NQO1: variants seen among roughly 807,000 people sequenced by gnomAD.
NQO1 encodes NAD(P)H dehydrogenase [quinone] 1.
NQO1 carries 30 observed loss-of-function variants against 32.1 expected under a neutral mutation model. That is an observed-to-expected ratio of 0.94 (90% confidence interval 0.70 to 1.27). NQO1 has a LOEUF of 1.27. Among genes scored for constraint, NQO1 ranks in the 50% most tolerant of loss-of-function variants. The probability of loss-of-function intolerance (pLI) is 0.00; values close to 1 mark genes in which losing one functional copy is unlikely to be tolerated. For missense variants in NQO1, 276 were observed against 331.3 expected (o/e 0.83, Z 1.30); for synonymous variants, 109 against 119.7 (o/e 0.91, Z 0.59).
At chr16:69,712,467 A>C (rs1597595725) in intron 5 of NQO1, among the ~76,000 whole-genome samples, 1 of 152,180 alleles carries the variant, frequency 6.6e-6, no homozygotes, top group East Asian at 1.9e-4. Context: ...GGCTATACAA[A>C]TCAAGAGTAG....
rs541026990 is a variant in NQO1 at position 69,718,143 on chromosome 16, C to T, written c.283G>A (p.Ala95Thr). The change falls in exon 3 of 6, where the codon GCA becomes ACA. Residue 95 changes from alanine to threonine, a missense_variant. Physicochemically the swap from Ala to Thr is moderately conservative, Grantham distance 58. Transcript: ENST00000320623. ...IVAEQKKLEAADLVIFQFPLQ... is the reference protein window; with the variant it reads ...IVAEQKKLEATDLVIFQFPLQ... ...CATACCTGGAATATCACAAGGTCTG[C>T]GGCTTCCAGCTTCTTTTGTTCAGCC... The T allele has an allele frequency of 2.2e-4, 362 of 1,614,014 alleles. 5 individuals carry two copies. In the South Asian group the frequency reaches 3.6e-3, roughly 16 times the overall value.
intron 1 of NQO1, among the ~76,000 whole-genome samples, chr16:69,721,835 A>T (rs1388141719): frequency 4.0e-5 from 6 of 149,832 alleles, no homozygotes; most frequent in Non-Finnish European, 5.9e-5. Flanking sequence ...TTCTACCAAA[A>T]AAAAAAAAAA....
chr16:69,711,376 C>A, intron 5 of NQO1, 95 bp from the exon 6 acceptor site: 1 of 1,052,476 alleles, frequency 9.5e-7, no homozygotes, highest in South Asian at 1.6e-5. Flanking sequence ...CAGTAAGACA[C>A]TCTGATAAGG....
At chr16:69,713,239 C>T (rs1018223603) in intron 4 of NQO1, 110 bp from the exon 5 acceptor site, 16 of 820,452 alleles carry the variant, frequency 2.0e-5, no homozygotes, top group African/African-American at 8.5e-5. Context: ...GTCCTATTTG[C>T]TGTTTATATT....
chr16:69,715,909 A>G (rs866382497), intron 3 of NQO1, among the ~76,000 whole-genome samples: 4 of 150,992 alleles, frequency 2.6e-5, no homozygotes, highest in Non-Finnish European at 4.4e-5. Flanking sequence ...GCTCATGCCT[A>G]TAATCCCAGT....
intron 1 of NQO1, among the ~76,000 whole-genome samples, chr16:69,723,014 G>A (rs2038213194): frequency 6.6e-6 from 1 of 152,092 alleles, no homozygotes. Flanking sequence ...TGCAAGCTCC[G>A]CCTCCCAGGT....
Position 69,718,544 on chromosome 16 carries a change from C to T in NQO1, c.8-10G>A. ...ATCAGTGCTCTTCTGCCTACAGAGA[C>T]ACACACAAAGCACACACGGAAAACC... On this transcript the variant is annotated splice_polypyrimidine_tract_variant and intron_variant, in intron 1 of 5. Transcript: ENST00000320623. 6.2e-7 allele frequency: 1 copy of T among 1,612,798 alleles called. No homozygotes were observed. The highest frequency in any genetic ancestry group is 8.5e-7 in the Non-Finnish European group (1 of 1,179,564).
intron 3 of NQO1, 193 bp downstream of exon 3, chr16:69,717,930 T>TG: frequency 1.2e-6 from 1 of 858,950 alleles, no homozygotes. Context: ...CATTTACACA[T>TG]GCAACAGTAA....
intron 1 of NQO1, among the ~76,000 whole-genome samples, chr16:69,722,762 G>A (rs1297574267): frequency 1.3e-5 from 2 of 152,212 alleles, no homozygotes; most frequent in African/African-American, 2.4e-5. Context: ...TTGGAAAAAG[G>A]AAAAGGAAGC....
At chr16:69,718,058 A>C (rs1021735001) in intron 3 of NQO1, 65 bp downstream of exon 3, 4 of 1,588,718 alleles carry the variant, frequency 2.5e-6, no homozygotes, top group Non-Finnish European at 3.4e-6. Flanking sequence ...ATAGCTAATT[A>C]GGTACATGTC....
Position 69,709,705 on chromosome 16 carries a change from C to A in NQO1, c.*1271G>T. ...GCACCACAAGAGGGCAGTGTTTTATCATATTCTCCTTGAATTATATAATAC... is the reference window on the plus strand; with the variant it reads ...GCACCACAAGAGGGCAGTGTTTTATAATATTCTCCTTGAATTATATAATAC... On this transcript the variant is annotated 3_prime_UTR_variant, in exon 6 of 6. Coordinates refer to ENST00000320623, the MANE Select transcript of NQO1 (RefSeq NM_000903.3). 1 of 398,236 alleles carries A rather than the reference C, an allele frequency of 2.5e-6. No homozygotes were observed. Among genetic ancestry groups the A allele is most frequent in the South Asian group, 1.3e-4 (1 of 7,820 alleles). The allele number at this position is 398,236 out of a possible 1,614,324, so 24.7% of individuals were successfully genotyped here. A position where few individuals can be genotyped will look rare whatever the true frequency, so the allele number is the denominator to read the frequency against.
chr16:69,711,019 C>A lies in NQO1; in HGVS notation c.782G>T (p.Gly261Val). 6.2e-7 allele frequency: 1 copy of A among 1,614,152 alleles called. No individual in the cohort carries two copies. Among genetic ancestry groups the A allele is most frequent in the Non-Finnish European group, 8.5e-7 (1 of 1,180,014 alleles). ...CTGGTTGTCAGTTGGGATGGACTTG[C>A]CCAAGTGATGGCCCACAGAAAGGCC... ...KFGLSVGHHL[G>V]KSIPTDNQIK... The change falls in exon 6 of 6, where the codon GGC (glycine) becomes GTC (valine). Residue 261 changes from glycine (G) to valine (V), a missense_variant. Transcript: ENST00000320623.
chr16:69,712,952 C>A, intron 5 of NQO1, 76 bp downstream of exon 5: 1 of 1,198,888 alleles, frequency 8.3e-7, no homozygotes. Flanking sequence ...AAGATGGTGT[C>A]ACTGCACTCC....
chr16:69,717,238 C>T (rs2038125810), intron 3 of NQO1, among the ~76,000 whole-genome samples: 1 of 152,072 alleles, frequency 6.6e-6, no homozygotes, highest in African/African-American at 2.4e-5. Flanking sequence ...TAGGAAAGAT[C>T]ACTGACGAGA....
intron 4 of NQO1, among the ~76,000 whole-genome samples, chr16:69,714,531 A>C: frequency 6.6e-6 from 1 of 151,928 alleles, no homozygotes; most frequent in East Asian, 1.9e-4. Context: ...AAACTTGATC[A>C]TGCGTCTCTC....
intron 1 of NQO1, among the ~76,000 whole-genome samples, chr16:69,725,465 G>A (rs1403327797): frequency 6.6e-6 from 1 of 152,180 alleles, no homozygotes; most frequent in Admixed American, 6.6e-5. Flanking sequence ...TGACCTCTGA[G>A]TTCCCCTAGG....
chr16:69,719,641 C>G (rs1050449650), intron 1 of NQO1, among the ~76,000 whole-genome samples: 1 of 151,882 alleles, frequency 6.6e-6, no homozygotes, highest in Non-Finnish European at 1.5e-5. Flanking sequence ...GGTGTGGTAG[C>G]GGGCACCTGT....
intron 1 of NQO1, among the ~76,000 whole-genome samples, chr16:69,720,421 G>A (rs2038173335): frequency 6.6e-6 from 1 of 150,504 alleles, no homozygotes; most frequent in African/African-American, 2.4e-5. Flanking sequence ...AGAGAGGGAA[G>A]GGAAGGAAGA....
intron 1 of NQO1, 92 bp from the exon 2 acceptor site, chr16:69,718,626 G>C: frequency 7.3e-7 from 1 of 1,377,980 alleles, no homozygotes; most frequent in Non-Finnish European, 9.9e-7. Flanking sequence ...AAAGGAGGGG[G>C]CGGCTTTGTT....
Sources: gnomAD v4.1 joint callset for allele counts (sites outside exome capture counted in the v4.1 genomes callset) on GRCh38, gnomAD v4.1.1 for gene constraint, MANE v1.5 for transcripts, NCBI Gene and HGNC (gene_info 2026-07-23, HGNC 2026-07-21) for gene names.